CLSTN3: variants seen among roughly 807,000 people sequenced by gnomAD.
The protein encoded by CLSTN3 is calsyntenin 3, also known as calsyntenin-3.
CLSTN3 carries 36 observed loss-of-function variants against 95.9 expected under a neutral mutation model. The ratio of observed to expected loss-of-function variants is 0.38; its 90% CI spans 0.29 to 0.50. The LOEUF (loss-of-function observed/expected upper bound fraction) is 0.50, where lower values mean the gene tolerates loss of function less well. CLSTN3 is among the 20% of genes least tolerant of loss of function. The pLI is 0.95. For synonymous variants in CLSTN3, 481 were observed against 504.0 expected, an observed-to-expected ratio of 0.95 and a Z score of 0.61; for missense variants, 1,084 against 1,268.8, an observed-to-expected ratio of 0.85 and a Z score of 2.21.
Position 7,158,379 on chromosome 12 carries a change from C to T in CLSTN3, c.*298C>T. ...CTTTCTACCCCCAATGGCAGCTGCC[C>T]CCTTAGCACTCACTGTGTTGGGGAG... On this transcript the variant is annotated 3_prime_UTR_variant, in exon 18 of 18. Transcript: ENST00000266546. 3.5e-6 allele frequency: 1 copy of T among 287,026 alleles called. No homozygotes were observed. The highest frequency in any genetic ancestry group is 4.7e-5 in the Admixed American group (1 of 21,078). 17.8% of individuals were successfully genotyped at this position (287,026 alleles called of 1,614,324 possible).
intron 16 of CLSTN3, among the ~76,000 whole-genome samples, chr12:7,155,674 C>T: frequency 6.6e-6 from 1 of 152,354 alleles, no homozygotes; most frequent in East Asian, 1.9e-4. Context: ...ATCCCCCGTT[C>T]CCAGGAAGTT....
At chr12:7,148,860 G>T in intron 12 of CLSTN3, 112 bp from the exon 13 acceptor site, 2 of 887,494 alleles carry the variant, frequency 2.3e-6, no homozygotes, top group Non-Finnish European at 3.5e-6. Context: ...GCCCCTTCCT[G>T]ACATGAGATG....
chr12:7,151,914 C>T (rs1342717159), intron 16 of CLSTN3, among the ~76,000 whole-genome samples: 1 of 151,888 alleles, frequency 6.6e-6, no homozygotes, highest in East Asian at 1.9e-4. Context: ...ATTAGCTGGG[C>T]ATGGTGGCAG....
rs372407539 is a variant in CLSTN3, at chr12:7,154,044, T to C, written c.2527+2981T>C. On this transcript the variant is annotated intron_variant, in intron 16 of 17. Transcript: ENST00000266546. ...CTCAGATTTCAGTTGAGAGCAGCAG[T>C]TTTCCTTTGCTTCTTCTCTTATTTT... Among the ~76,000 whole-genome samples, 20 of 152,290 alleles carry C rather than the reference T, an allele frequency of 1.3e-4. No homozygotes were observed. The South Asian group carries it at 4.1e-3, about 32-fold the overall frequency.
At chr12:7,154,272 A>C (rs1473061538) in intron 16 of CLSTN3, among the ~76,000 whole-genome samples, 1 of 152,192 alleles carries the variant, frequency 6.6e-6, no homozygotes, top group East Asian at 1.9e-4. Flanking sequence ...AAACATGCAG[A>C]AGCAGTGAGA....
chr12:7,132,991 G>A (rs747719727), intron 1 of CLSTN3, 33 bp from the exon 2 acceptor site: 4 of 1,611,984 alleles, frequency 2.5e-6, no homozygotes, highest in African/African-American at 1.3e-5. Flanking sequence ...CTGCTCACAG[G>A]TGCTTCCTCT....
chr12:7,134,746 G>A (rs1939371389), intron 3 of CLSTN3, among the ~76,000 whole-genome samples: 1 of 152,228 alleles, frequency 6.6e-6, no homozygotes, highest in South Asian at 2.1e-4. Context: ...TGACTGTTGT[G>A]AAGGAAGGCC....
chr12:7,131,739 A>C (rs1181297665), intron 1 of CLSTN3: 1 of 440,082 alleles, frequency 2.3e-6, no homozygotes, highest in African/African-American at 2.3e-5. Context: ...CTCTGACCTC[A>C]GCCTCGCCTC....
rs1939286763 is a variant in CLSTN3, at chr12:7,130,893, C to G, written c.64+181C>G. The G allele has an allele frequency of 7.7e-6, 5 of 645,324 alleles. No individual in the cohort carries two copies. The South Asian group carries it at 8.9e-5, about 12-fold the overall frequency. 40.0% of individuals were successfully genotyped at this position (645,324 alleles called of 1,614,324 possible). On this transcript the variant is annotated intron_variant, in intron 1 of 17. Transcript: ENST00000266546. ...GTCTCCTCTCTTTCTCTTCCCCCAG[C>G]TACATCTTCCTTTCTGGTCCATCTC...
Position 7,157,745 on chromosome 12 carries a change from C to G in CLSTN3, c.2730+54C>G. 6.5e-7 allele frequency: 1 copy of G among 1,530,726 alleles called. No homozygotes were observed. The highest frequency in any genetic ancestry group is 8.8e-7 in the Non-Finnish European group (1 of 1,132,286). 94.8% of individuals were successfully genotyped at this position (1,530,726 alleles called of 1,614,324 possible). ...TAGGGTCAAGACTGTGGAGCACACACGGTGAGGACTCCTGAGGAGGGGCAG... is the reference window on the plus strand; with the variant it reads ...TAGGGTCAAGACTGTGGAGCACACAGGGTGAGGACTCCTGAGGAGGGGCAG... On this transcript the variant is annotated intron_variant, in intron 17 of 17. Transcript: ENST00000266546. This position sits in a 1 kb window ranked among gnomAD's most constrained non-coding sequence, Gnocchi z 5.9.
At chr12:7,155,081 G>T (rs1033146779) in intron 16 of CLSTN3, among the ~76,000 whole-genome samples, 2 of 152,182 alleles carry the variant, frequency 1.3e-5, no homozygotes, top group African/African-American at 4.8e-5. Context: ...AGCACCGTGT[G>T]GGGCCATGGA....
intron 16 of CLSTN3, chr12:7,155,880 C>G (rs1188850279): frequency 1.3e-5 from 3 of 227,958 alleles, no homozygotes; most frequent in Non-Finnish European, 2.6e-5. Context: ...TCTCCACACA[C>G]CTAGTTGGCC....
chr12:7,158,120 C>T lies in CLSTN3; in HGVS notation c.*39C>T. The T allele has an allele frequency of 1.4e-6, 2 of 1,471,150 alleles. No homozygotes were observed. The highest frequency in any genetic ancestry group is 1.8e-6 in the Non-Finnish European group (2 of 1,102,864). 91.1% of individuals were successfully genotyped at this position (1,471,150 alleles called of 1,614,324 possible). ...CCCCACGCAGAGGGGGAATTCTGCC[C>T]TGGTGAAACAGACACTCCAGACATG... On this transcript the variant is annotated 3_prime_UTR_variant, in exon 18 of 18. Coordinates refer to ENST00000266546, the MANE Select transcript of CLSTN3 (RefSeq NM_014718.4).
intron 16 of CLSTN3, chr12:7,156,537 C>CG (rs1445048019): frequency 2.2e-6 from 1 of 456,854 alleles, no homozygotes; most frequent in Admixed American, 2.3e-5. Flanking sequence ...CCTTTACTCC[C>CG]GCAGTGTGAG....
At chr12:7,144,800 G>A (rs1311261968) in intron 12 of CLSTN3, among the ~76,000 whole-genome samples, 3 of 152,182 alleles carry the variant, frequency 2.0e-5, no homozygotes, top group African/African-American at 4.8e-5. Flanking sequence ...GTGACTGGGC[G>A]TGATTATCAG....
chr12:7,139,327 C>G (rs1198937804), intron 8 of CLSTN3, among the ~76,000 whole-genome samples: 1 of 152,066 alleles, frequency 6.6e-6, no homozygotes, highest in African/African-American at 2.4e-5. Flanking sequence ...GAAATTTAAG[C>G]CTAGTGCTAA....
chr12:7,152,836 A>G (rs967659515), intron 16 of CLSTN3, among the ~76,000 whole-genome samples: 4 of 152,236 alleles, frequency 2.6e-5, no homozygotes, highest in Admixed American at 1.3e-4. Flanking sequence ...GCAGCTAGAA[A>G]GTAAGTGGAG....
chr12:7,158,159 C>G lies in CLSTN3; in HGVS notation c.*78C>G. On this transcript the variant is annotated 3_prime_UTR_variant, in exon 18 of 18. Transcript: ENST00000266546. ...ACTCCAGACATGGGAGAAGGACTTT[C>G]TGGGAACACAGAGACCAAGAGGGAG... is the stretch of plus-strand genomic sequence containing the variant. The G allele has an allele frequency of 7.0e-7, 1 of 1,428,190 alleles. No individual in the cohort carries two copies. Among genetic ancestry groups the G allele is most frequent in the Non-Finnish European group, 9.3e-7 (1 of 1,079,844 alleles). 88.5% of individuals were successfully genotyped at this position (1,428,190 alleles called of 1,614,324 possible). A position where few individuals can be genotyped will look rare whatever the true frequency, so the allele number is the denominator to read the frequency against.
At position 7,150,019 on chromosome 12, in the gene CLSTN3, CTGTT is replaced by C. The variant is rs887649526; in HGVS notation, c.2245+331_2245+334del. Among the ~76,000 whole-genome samples the C allele has an allele frequency of 4.6e-5, 7 of 152,206 alleles. No homozygotes were observed. The highest frequency in any genetic ancestry group is 1.3e-4 in the Admixed American group (2 of 15,290). On this transcript the variant is annotated intron_variant, in intron 14 of 17. Transcript: ENST00000266546. The surrounding 1 kb of genome is among the most constrained non-coding windows in gnomAD (Gnocchi z 4.0). ...CCCAGCTTTCTAACCCTCTAGCTGT[CTGTT>C]TGTTACCGGTCATCTCTGTTGTTCA...
Sources: allele counts gnomAD v4.1 joint callset (sites outside exome capture counted in the v4.1 genomes callset), GRCh38; gene constraint gnomAD v4.1.1; non-coding constraint Gnocchi (gnomAD v3.1); transcripts MANE v1.5; gene names NCBI Gene and HGNC (gene_info 2026-07-23, HGNC 2026-07-21).